The following WDFY2 variants were observed in gnomAD, a reference collection of about 807,000 sequenced individuals.
The protein encoded by WDFY2 is WD repeat and FYVE domain-containing protein 2.
In WDFY2, 36 loss-of-function variants were observed where a neutral mutation model predicts 56.4. The ratio of observed to expected loss-of-function variants is 0.64; its 90% confidence interval spans 0.49 to 0.84. The LOEUF is 0.84. WDFY2 is among the 40% of genes least tolerant of loss of function. The probability of loss-of-function intolerance (pLI) is 0.00; values close to 1 mark genes in which losing one functional copy is unlikely to be tolerated. For missense variants in WDFY2, 444 were observed against 512.2 expected, an observed-to-expected ratio of 0.87 and a Z score of 1.29; for synonymous variants, 176 against 183.7, an observed-to-expected ratio of 0.96 and a Z score of 0.34.
intron 1 of WDFY2, among the ~76,000 whole-genome samples, chr13:51,652,486 T>A (rs1001781112): frequency 6.6e-6 from 1 of 152,232 alleles, no homozygotes; most frequent in Non-Finnish European, 1.5e-5. Flanking sequence ...GTTGATGCAG[T>A]TTCTTCCTAG....
intron 5 of WDFY2, 113 bp downstream of exon 5, chr13:51,719,461 G>A (rs1289514044): frequency 1.6e-6 from 2 of 1,223,492 alleles, no homozygotes; most frequent in African/African-American, 3.0e-5. Context: ...CAGTTGCCCA[G>A]TGTGGATTAC....
intron 4 of WDFY2, among the ~76,000 whole-genome samples, chr13:51,708,403 C>T (rs1399984714): frequency 6.6e-6 from 1 of 151,500 alleles, no homozygotes; most frequent in Non-Finnish European, 1.5e-5. Context: ...TGCTTCAATC[C>T]AGGGGTTTGA....
intron 4 of WDFY2, among the ~76,000 whole-genome samples, chr13:51,707,033 T>C (rs1952097278): frequency 6.6e-6 from 1 of 152,158 alleles, no homozygotes; most frequent in East Asian, 1.9e-4. Flanking sequence ...GAGAACCAAA[T>C]AGAACTTTTA....
At chr13:51,707,408 C>T (rs1952106742) in intron 4 of WDFY2, among the ~76,000 whole-genome samples, 1 of 152,220 alleles carries the variant, frequency 6.6e-6, no homozygotes, top group Non-Finnish European at 1.5e-5. Context: ...ATCCACCAAC[C>T]TTGGCCTCCC....
intron 3 of WDFY2, among the ~76,000 whole-genome samples, chr13:51,696,778 A>G (rs1951886000): frequency 6.6e-6 from 1 of 152,250 alleles, no homozygotes; most frequent in African/African-American, 2.4e-5. Flanking sequence ...ACAATCTATC[A>G]AGAAGAATGT....
At chr13:51,597,572 C>A (rs1954175113) in intron 1 of WDFY2, among the ~76,000 whole-genome samples, 1 of 152,050 alleles carries the variant, frequency 6.6e-6, no homozygotes, top group African/African-American at 2.4e-5. Flanking sequence ...CTTTTGTTGC[C>A]TAGTAGTTCA....
chr13:51,717,177 G>GT (rs1334294406), intron 4 of WDFY2, among the ~76,000 whole-genome samples: 1 of 152,046 alleles, frequency 6.6e-6, no homozygotes, highest in Non-Finnish European at 1.5e-5. Context: ...TCAAACCCAT[G>GT]TTTTTTCTTA....
chr13:51,609,349 T>A (rs1204948595), intron 1 of WDFY2, among the ~76,000 whole-genome samples: 1 of 152,202 alleles, frequency 6.6e-6, no homozygotes, highest in Non-Finnish European at 1.5e-5. Context: ...GTCTTTTTAG[T>A]CCTCAAAAGA....
chr13:51,645,139 TTCTTTTTTTTC>T (rs1388712199), intron 1 of WDFY2, among the ~76,000 whole-genome samples: 3 of 152,188 alleles, frequency 2.0e-5, no homozygotes, highest in Non-Finnish European at 2.9e-5. Context: ...GCTTTTTTTT[TTCTTTTTTTTC>T]TCTTTAAACA....
rs1429507899 is a variant in WDFY2 at position 51,761,905 on chromosome 13, G to A, written c.*2136G>A. 5 of 152,260 alleles carry A rather than the reference G, an allele frequency of 3.3e-5. No homozygotes were observed. The highest frequency in any genetic ancestry group is 4.8e-5 in the African/African-American group (2 of 41,458). The allele number at this position is 152,260 out of a possible 1,614,324, so 9.4% of individuals were successfully genotyped here. On this transcript the variant is annotated 3_prime_UTR_variant, in exon 12 of 12. Coordinates refer to ENST00000298125, the MANE Select transcript of WDFY2 (RefSeq NM_052950.4). ...CCCGCACAGGCTGTTAGCACTTGTC[G>A]CCTCGCTGCCCTGGTCCAGACTACC...
Position 51,758,231 on chromosome 13 carries a change from C to T in WDFY2, c.1104C>T (p.Asn368=). Residue 368 remains asparagine, a synonymous_variant, in exon 11 of 12, where the codon AAC becomes AAT. Transcript: ENST00000298125. ...CCACCTTCCATGACAGTAAACATAA[C>T]ATTGTGCATGTGCATTTCGATGCAA... ...PTATFHDSKH[N]IVHVHFDATR... 1 of 1,597,658 alleles carries T rather than the reference C, an allele frequency of 6.3e-7. No individual in the cohort carries two copies. The highest frequency in any genetic ancestry group is 8.6e-7 in the Non-Finnish European group (1 of 1,167,594).
intron 2 of WDFY2, among the ~76,000 whole-genome samples, chr13:51,665,643 T>C (rs1955686961): frequency 6.6e-6 from 1 of 152,112 alleles, no homozygotes; most frequent in Admixed American, 6.5e-5. Context: ...TATCAGAGGA[T>C]TGGATGTCAA....
At chr13:51,738,566 T>C (rs1952894170) in intron 6 of WDFY2, among the ~76,000 whole-genome samples, 1 of 152,218 alleles carries the variant, frequency 6.6e-6, no homozygotes, top group South Asian at 2.1e-4. Flanking sequence ...AAATTAAAAT[T>C]CCCAAAGAGC....
rs1173486623 is a variant in WDFY2 at position 51,762,756 on chromosome 13, A to G, written c.*2987A>G. Reference sequence around the variant, plus strand: ...ACTTTACATATATTTTTGCTCTATTACTTAAACATATAGCAGCTTTTACAA... The same window carrying G: ...ACTTTACATATATTTTTGCTCTATTGCTTAAACATATAGCAGCTTTTACAA... On this transcript the variant is annotated 3_prime_UTR_variant, in exon 12 of 12. Transcript: ENST00000298125. The G allele has an allele frequency of 6.6e-6, 1 of 152,138 alleles. No homozygotes were observed. The highest frequency in any genetic ancestry group is 1.5e-5 in the Non-Finnish European group (1 of 68,016). 9.4% of individuals were successfully genotyped at this position (152,138 alleles called of 1,614,324 possible).
At chr13:51,607,091 A>G (rs1226689237) in intron 1 of WDFY2, among the ~76,000 whole-genome samples, 1 of 152,226 alleles carries the variant, frequency 6.6e-6, no homozygotes, top group Admixed American at 6.5e-5. Context: ...TTCTCCTCTT[A>G]GAAACACCCT....
chr13:51,722,873 C>T (rs1208051135), intron 5 of WDFY2, among the ~76,000 whole-genome samples: 1 of 152,192 alleles, frequency 6.6e-6, no homozygotes, highest in Non-Finnish European at 1.5e-5. Context: ...AATACTTTAT[C>T]CAGCGTCATT....
intron 3 of WDFY2, among the ~76,000 whole-genome samples, chr13:51,694,674 C>A (rs1166214468): frequency 2.6e-5 from 4 of 152,144 alleles, no homozygotes; most frequent in African/African-American, 7.2e-5. Flanking sequence ...AGTTGCTCTT[C>A]TTGAGGAGTA....
At chr13:51,692,022 G>C (rs1438427765) in intron 3 of WDFY2, among the ~76,000 whole-genome samples, 1 of 152,144 alleles carries the variant, frequency 6.6e-6, no homozygotes, top group South Asian at 2.1e-4. Context: ...AAGAATGCTT[G>C]TGATTTTTGT....
chr13:51,610,254 T>G lies in WDFY2; in HGVS notation c.137+25430T>G, dbSNP rs573240912. Among the ~76,000 whole-genome samples the G allele has an allele frequency of 9.5e-3, 1,333 of 140,156 alleles. 25 individuals carry two copies. The highest frequency in any genetic ancestry group is 0.025 in the African/African-American group (984 of 39,018). The allele number at this position is 140,156 out of a possible 152,430, so 91.9% of individuals were successfully genotyped here. A position where few individuals can be genotyped will look rare whatever the true frequency, so the allele number is the denominator to read the frequency against. On this transcript the variant is annotated intron_variant, in intron 1 of 11. Transcript: ENST00000298125. ...CTTATTTGACTGTTTTTTTTTTTTT[T>G]GGGGGGCTAAAAGCCCACCATCTAT...
Sources: allele counts gnomAD v4.1 joint callset (sites outside exome capture counted in the v4.1 genomes callset), GRCh38; gene constraint gnomAD v4.1.1; transcripts MANE v1.5; gene names NCBI Gene and HGNC (gene_info 2026-07-23, HGNC 2026-07-21).